The following SCEL variants were observed in gnomAD, a reference collection of about 807,000 sequenced individuals.
SCEL encodes sciellin.
In SCEL, 113 loss-of-function variants were observed where a neutral mutation model predicts 117.6. The ratio of observed to expected loss-of-function variants is 0.96; its 90% CI spans 0.83 to 1.12. The LOEUF is 1.12. Ranked by LOEUF, SCEL falls within the 50% of genes most tolerant of loss-of-function variation. The probability of loss-of-function intolerance (pLI) is 0.00; values close to 1 mark genes in which losing one functional copy is unlikely to be tolerated. For missense variants in SCEL, 785 were observed against 810.8 expected (o/e 0.97, Z 0.39); for synonymous variants, 270 against 256.2 (o/e 1.05, Z -0.51).
intron 2 of SCEL, among the ~76,000 whole-genome samples, chr13:77,556,249 G>T (rs1414892092): frequency 6.6e-6 from 1 of 152,124 alleles, no homozygotes; most frequent in African/African-American, 2.4e-5. Context: ...ACAGTCTTTT[G>T]TGGGCTTCCA....
intron 28 of SCEL, among the ~76,000 whole-genome samples, chr13:77,629,794 T>C (rs540519279): frequency 3.9e-5 from 6 of 152,190 alleles, no homozygotes; most frequent in African/African-American, 7.2e-5. Context: ...AGAAATATGA[T>C]TGGACAAAAA....
intron 9 of SCEL, among the ~76,000 whole-genome samples, chr13:77,578,756 C>T (rs1007405459): frequency 2.0e-5 from 3 of 152,164 alleles, no homozygotes; most frequent in Non-Finnish European, 2.9e-5. Context: ...TGGTCTTAAG[C>T]AGCTGACACT....
intron 12 of SCEL, among the ~76,000 whole-genome samples, 195 bp downstream of exon 12, chr13:77,593,768 C>T (rs2087056973): frequency 6.6e-6 from 1 of 152,162 alleles, no homozygotes. Flanking sequence ...TATGGACACT[C>T]TTCCAACTCT....
intron 21 of SCEL, among the ~76,000 whole-genome samples, chr13:77,609,731 G>A (rs558219449): frequency 6.6e-6 from 1 of 152,252 alleles, no homozygotes; most frequent in Admixed American, 6.5e-5. Context: ...TATGAAACTG[G>A]AATAATAATA....
Position 77,604,433 on chromosome 13 carries a change from C to T in SCEL, c.1157+18C>T. ...ATTACGAGGTAAGACATTTAAAGCT[C>T]CCCCCTCCCCTTTGTTTGGCATTTA... On this transcript the variant is annotated intron_variant, in intron 19 of 32. Coordinates refer to ENST00000349847, the MANE Select transcript of SCEL (RefSeq NM_144777.3). The T allele has an allele frequency of 1.3e-6, 2 of 1,553,102 alleles. No homozygotes were observed. Among genetic ancestry groups the T allele is most frequent in the Non-Finnish European group, 1.7e-6 (2 of 1,155,610 alleles).
intron 30 of SCEL, among the ~76,000 whole-genome samples, chr13:77,639,283 G>A (rs2090448056): frequency 6.6e-6 from 1 of 152,144 alleles, no homozygotes; most frequent in South Asian, 2.1e-4. Flanking sequence ...TAATCCATAG[G>A]AAAATATTTG....
At chr13:77,552,178 A>G (rs1425850591) in intron 1 of SCEL, among the ~76,000 whole-genome samples, 1 of 151,716 alleles carries the variant, frequency 6.6e-6, no homozygotes, top group Non-Finnish European at 1.5e-5. Context: ...TCTTTATAGC[A>G]GCATGATTTA....
chr13:77,562,482 T>A (rs1288728993), intron 4 of SCEL, among the ~76,000 whole-genome samples: 1 of 152,208 alleles, frequency 6.6e-6, no homozygotes, highest in East Asian at 1.9e-4. Context: ...AATGTTCACA[T>A]CTATTTCCCC....
intron 21 of SCEL, 41 bp downstream of exon 21, chr13:77,609,158 A>G: frequency 2.1e-6 from 3 of 1,419,040 alleles, no homozygotes; most frequent in Non-Finnish European, 2.9e-6. Flanking sequence ...CATAGTAACC[A>G]ATGCCTAAAA....
At chr13:77,570,927 G>A (rs953921372) in intron 8 of SCEL, among the ~76,000 whole-genome samples, 1 of 151,284 alleles carries the variant, frequency 6.6e-6, no homozygotes, top group African/African-American at 2.4e-5. Context: ...CTGCCTCCCA[G>A]GTTTAACCAA....
chr13:77,593,295 T>TGTGCGTGCGCGC (rs796907419), intron 11 of SCEL, among the ~76,000 whole-genome samples: 2 of 136,784 alleles, frequency 1.5e-5, no homozygotes, highest in East Asian at 2.1e-4. Context: ...TGTGTGTGTG[T>TGTGCGTGCGCGC]GTCTGTGTGT....
intron 9 of SCEL, among the ~76,000 whole-genome samples, chr13:77,574,639 G>T (rs1316740975): frequency 6.6e-6 from 1 of 152,102 alleles, no homozygotes; most frequent in African/African-American, 2.4e-5. Flanking sequence ...CCAGGGCTGA[G>T]AAATAGCCTT....
At chr13:77,561,868 G>C (rs1240981254) in intron 4 of SCEL, among the ~76,000 whole-genome samples, 1 of 152,134 alleles carries the variant, frequency 6.6e-6, no homozygotes, top group Non-Finnish European at 1.5e-5. Flanking sequence ...AAGGCTGGCT[G>C]GTGGGCATGG....
At chr13:77,566,726 A>G (rs2154397072) in intron 5 of SCEL, among the ~76,000 whole-genome samples, 1 of 152,340 alleles carries the variant, frequency 6.6e-6, no homozygotes, top group South Asian at 2.1e-4. Flanking sequence ...GAAGTGACTC[A>G]GGGACCTAAG....
chr13:77,622,155 C>A (rs9574091), intron 27 of SCEL, among the ~76,000 whole-genome samples: 3 of 151,934 alleles, frequency 2.0e-5, no homozygotes, highest in African/African-American at 2.4e-5. Context: ...TAGTTCCTGG[C>A]GTAAAAGGAA....
chr13:77,582,662 G>T (rs2086327499), intron 9 of SCEL, among the ~76,000 whole-genome samples: 1 of 152,174 alleles, frequency 6.6e-6, no homozygotes, highest in Non-Finnish European at 1.5e-5. Flanking sequence ...TTTTTCCAGT[G>T]TGTGGCTTGT....
intron 12 of SCEL, 55 bp downstream of exon 12, chr13:77,593,628 T>C: frequency 3.8e-6 from 5 of 1,328,210 alleles, no homozygotes; most frequent in Non-Finnish European, 5.4e-6. Context: ...GTTTCAAAAA[T>C]GCTTAACCAC....
intron 9 of SCEL, among the ~76,000 whole-genome samples, chr13:77,582,491 G>A (rs1464253120): frequency 6.6e-6 from 1 of 152,222 alleles, no homozygotes; most frequent in Non-Finnish European, 1.5e-5. Context: ...GCCTCCGAAA[G>A]TGCTGGGATT....
At chr13:77,548,191 C>CT (rs2084100170) in intron 1 of SCEL, among the ~76,000 whole-genome samples, 1 of 152,198 alleles carries the variant, frequency 6.6e-6, no homozygotes, top group Non-Finnish European at 1.5e-5. Context: ...TCCATAACAA[C>CT]CTTTTAAGAT....
Sources: gnomAD v4.1 joint callset for allele counts (sites outside exome capture counted in the v4.1 genomes callset) on GRCh38, gnomAD v4.1.1 for gene constraint, MANE v1.5 for transcripts, NCBI Gene and HGNC (gene_info 2026-07-23, HGNC 2026-07-21) for gene names.